The following GRM7 variants were observed in gnomAD, a reference collection of about 807,000 sequenced individuals.
The protein encoded by GRM7 is metabotropic glutamate receptor 7.
GRM7 carries 35 observed loss-of-function variants against 84.5 expected under a neutral mutation model. The ratio of observed to expected loss-of-function variants is 0.41; its 90% CI spans 0.32 to 0.55. GRM7 has a LOEUF of 0.55. Among genes scored for constraint, GRM7 ranks in the 20% least tolerant of loss-of-function variants. The probability of loss-of-function intolerance (pLI) is 0.19; values close to 1 mark genes in which losing one functional copy is unlikely to be tolerated. For missense variants in GRM7, 1,003 were observed against 1,194.6 expected (o/e 0.84, Z 2.36); for synonymous variants, 487 against 455.1 (o/e 1.07, Z -0.89).
rs147996966 is a variant in GRM7, at chr3:7,348,374, T to C, written c.1033+41722T>C. Among the ~76,000 whole-genome samples the C allele has an allele frequency of 1.5e-3, 233 of 152,290 alleles. 3 individuals are homozygous for C. The highest frequency in any genetic ancestry group is 5.3e-3 in the African/African-American group (221 of 41,582). ...CTCATTTACTCCTTTTCCCACTTTC[T>C]ACTGATATCCTGCTTATATTTGTTG... On this transcript the variant is annotated intron_variant, in intron 4 of 9. Transcript: ENST00000357716.
At chr3:7,234,317 G>A (rs1395021736) in intron 2 of GRM7, among the ~76,000 whole-genome samples, 1 of 152,164 alleles carries the variant, frequency 6.6e-6, no homozygotes, top group Non-Finnish European at 1.5e-5. Context: ...AAGGAAGATA[G>A]TGATTAATTC....
At chr3:7,040,331 C>A (rs1245380280) in intron 1 of GRM7, among the ~76,000 whole-genome samples, 1 of 151,248 alleles carries the variant, frequency 6.6e-6, no homozygotes, top group East Asian at 1.9e-4. Context: ...GAGATGGAGT[C>A]TCGCTCTGTC....
At chr3:7,509,849 C>T (rs1346883677) in intron 7 of GRM7, among the ~76,000 whole-genome samples, 3 of 151,050 alleles carry the variant, frequency 2.0e-5, no homozygotes, top group Non-Finnish European at 1.5e-5. Flanking sequence ...GAAAAAATAA[C>T]AGAGGAGAGG....
chr3:7,633,866 T>A (rs1052277043), intron 8 of GRM7, among the ~76,000 whole-genome samples: 1 of 152,176 alleles, frequency 6.6e-6, no homozygotes, highest in East Asian at 1.9e-4. Context: ...CTTAATTACA[T>A]CCCAACAGAT....
chr3:7,160,565 G>A (rs1284815091), intron 2 of GRM7, among the ~76,000 whole-genome samples: 4 of 152,028 alleles, frequency 2.6e-5, no homozygotes, highest in African/African-American at 7.2e-5. Flanking sequence ...TTCCTTTGGT[G>A]GCTACCACCA....
chr3:7,082,905 T>A (rs1164786960), intron 1 of GRM7, among the ~76,000 whole-genome samples: 1 of 152,122 alleles, frequency 6.6e-6, no homozygotes, highest in South Asian at 2.1e-4. Flanking sequence ...AATCTCATAA[T>A]AAACTTGAAT....
intron 1 of GRM7, among the ~76,000 whole-genome samples, chr3:6,942,238 A>C (rs544462500): frequency 6.6e-6 from 1 of 152,202 alleles, no homozygotes; most frequent in South Asian, 2.1e-4. Flanking sequence ...ACTACCAGTA[A>C]ATTGTGAGGA....
At chr3:6,872,118 G>A (rs1695141757) in intron 1 of GRM7, among the ~76,000 whole-genome samples, 1 of 152,116 alleles carries the variant, frequency 6.6e-6, no homozygotes, top group South Asian at 2.1e-4. Context: ...TGGGAGGTAT[G>A]AAAGATCCAC....
intron 8 of GRM7, among the ~76,000 whole-genome samples, chr3:7,633,196 C>A (rs1300988368): frequency 1.3e-5 from 2 of 152,218 alleles, no homozygotes; most frequent in Non-Finnish European, 2.9e-5. Context: ...TGCTGCCAAG[C>A]ATTACTGAAG....
chr3:7,671,473 C>T (rs1699917022), intron 8 of GRM7, among the ~76,000 whole-genome samples: 1 of 151,974 alleles, frequency 6.6e-6, no homozygotes. Flanking sequence ...TTTGCATTCA[C>T]CTGGAGCGCT....
chr3:7,085,978 A>G (rs995429264), intron 1 of GRM7, among the ~76,000 whole-genome samples: 2 of 152,224 alleles, frequency 1.3e-5, no homozygotes, highest in African/African-American at 2.4e-5. Context: ...GCAAATTTTG[A>G]GTACTAATGA....
intron 1 of GRM7, among the ~76,000 whole-genome samples, chr3:7,064,305 G>A (rs115394074): frequency 6.7e-6 from 1 of 149,848 alleles, no homozygotes; most frequent in African/African-American, 2.4e-5. Flanking sequence ...GCATAGCTTA[G>A]CCCCCACATA....
chr3:7,598,787 A>G (rs1014575412), intron 8 of GRM7, among the ~76,000 whole-genome samples: 6 of 152,234 alleles, frequency 3.9e-5, no homozygotes, highest in Admixed American at 6.5e-5. Flanking sequence ...TGATGAAAAA[A>G]TAAGTGTTTG....
At chr3:7,180,392 A>G (rs1695295566) in intron 2 of GRM7, among the ~76,000 whole-genome samples, 1 of 152,162 alleles carries the variant, frequency 6.6e-6, no homozygotes, top group South Asian at 2.1e-4. Context: ...TTTTCATAAG[A>G]GCCTAACACA....
intron 2 of GRM7, among the ~76,000 whole-genome samples, chr3:7,199,783 T>A (rs1321268384): frequency 6.6e-6 from 1 of 152,172 alleles, no homozygotes; most frequent in Non-Finnish European, 1.5e-5. Flanking sequence ...TGGTACCCAA[T>A]AATTTTTCTC....
chr3:7,423,208 TC>T (rs779388638), intron 5 of GRM7, among the ~76,000 whole-genome samples: 1 of 152,202 alleles, frequency 6.6e-6, no homozygotes, highest in Non-Finnish European at 1.5e-5. Context: ...TGTGTTTAAT[TC>T]TGTGCAGAAG....
chr3:7,560,557 C>G (rs1196362578), intron 7 of GRM7, among the ~76,000 whole-genome samples: 1 of 152,084 alleles, frequency 6.6e-6, no homozygotes. Flanking sequence ...GATAAAAATT[C>G]AGAGTCTCAA....
intron 5 of GRM7, among the ~76,000 whole-genome samples, chr3:7,450,715 C>CT (rs201597674): frequency 6.4e-4 from 90 of 140,312 alleles, no homozygotes; most frequent in Non-Finnish European, 6.0e-4. Context: ...TAAATTTTAT[C>CT]TTTAAAAAAA....
intron 1 of GRM7, among the ~76,000 whole-genome samples, chr3:7,111,511 A>G (rs975677811): frequency 2.0e-5 from 3 of 152,120 alleles, no homozygotes; most frequent in African/African-American, 7.2e-5. Context: ...AAGCATCAGG[A>G]ACCCATTTCT....
Sources: allele counts gnomAD v4.1 joint callset (sites outside exome capture counted in the v4.1 genomes callset), GRCh38; gene constraint gnomAD v4.1.1; transcripts MANE v1.5; gene names NCBI Gene and HGNC (gene_info 2026-07-23, HGNC 2026-07-21).